Variants in PARVB observed in about 807,000 individuals in gnomAD.
PARVB encodes the protein parvin beta.
Under a neutral mutation model 47.0 loss-of-function variants are expected in PARVB, and 46 were observed. The ratio of observed to expected loss-of-function variants is 0.98; its 90% CI spans 0.77 to 1.25. The LOEUF is 1.25. Ranked by LOEUF, PARVB falls within the 50% of genes most tolerant of loss-of-function variation. The probability of loss-of-function intolerance (pLI) is 0.00; values close to 1 mark genes in which losing one functional copy is unlikely to be tolerated. For synonymous variants in PARVB, 196 were observed against 196.3 expected (o/e 1.00, Z 0.01); for missense variants, 473 against 471.6 (o/e 1.00, Z -0.03).
At chr22:44,080,409 C>G (rs528064351) in intron 1 of PARVB, among the ~76,000 whole-genome samples, 98 of 152,318 alleles carry the variant, frequency 6.4e-4, no homozygotes, top group Non-Finnish European at 1.3e-3. Context: ...GCAGAGGCAC[C>G]TGCGTTCCTT....
At position 44,100,253 on chromosome 22, in the gene PARVB, G is replaced by A. The variant is rs2052411267; in HGVS notation, c.273+130G>A. The A allele has an allele frequency of 1.4e-5, 10 of 735,786 alleles. No individual in the cohort carries two copies. In the South Asian group the frequency reaches 1.4e-4, roughly 11 times the overall value. 45.6% of individuals were successfully genotyped at this position (735,786 alleles called of 1,614,324 possible). On this transcript the variant is annotated intron_variant, in intron 3 of 12. Transcript: ENST00000338758. ...AGGGATGTTGGTGCTGCATGAGAAG[G>A]TGGGCAGACATGTTGGCAGAGGAGG...
At chr22:44,120,193 C>T (rs1353511863) in intron 4 of PARVB, among the ~76,000 whole-genome samples, 15 of 152,156 alleles carry the variant, frequency 9.9e-5, no homozygotes, top group South Asian at 2.1e-4. Flanking sequence ...CTGGGTCAGG[C>T]GCTCCTGCAT....
intron 2 of PARVB, among the ~76,000 whole-genome samples, chr22:44,099,446 C>T (rs930794696): frequency 1.3e-5 from 2 of 152,104 alleles, no homozygotes; most frequent in Admixed American, 6.6e-5. Flanking sequence ...CAGGCTGAAA[C>T]GTGGAGGGAA....
chr22:44,099,925 A>G lies in PARVB; in HGVS notation c.203-128A>G, dbSNP rs765107891. On this transcript the variant is annotated intron_variant, in intron 2 of 12. Coordinates refer to ENST00000338758, the MANE Select transcript of PARVB (RefSeq NM_013327.5). ...CACCTTCCAGAAGGCGGTTCCTTGC[A>G]GTCACCCTCCCCTAGTGCTGGGTTC... The G allele has an allele frequency of 9.5e-6, 7 of 735,968 alleles. 1 individual carries two copies. The Admixed American group carries it at 1.5e-4, about 16-fold the overall frequency. The allele number at this position is 735,968 out of a possible 1,614,324, so 45.6% of individuals were successfully genotyped here.
rs79620606 is a variant in PARVB, at chr22:44,127,515, CT to C, written c.377-3971del. Among the ~76,000 whole-genome samples, 794 of 152,284 alleles carry C rather than the reference CT, an allele frequency of 5.2e-3. 9 individuals carry two copies. The highest frequency in any genetic ancestry group is 0.018 in the East Asian group (93 of 5,184). ...GCCCAAACCAAATAGGAGATTTTAG[CT>C]GAATACCAAGGTCAAAGCCAACTTC... On this transcript the variant is annotated intron_variant, in intron 4 of 12. Coordinates refer to ENST00000338758, the MANE Select transcript of PARVB (RefSeq NM_013327.5).
At chr22:44,019,704 C>T (rs2146866993), upstream of PARVB, among the ~76,000 whole-genome samples, 1 of 152,216 alleles carries the variant, frequency 6.6e-6, no homozygotes, top group East Asian at 1.9e-4. Context: ...CGGGGGACGG[C>T]CAGCTCTCAA....
At chr22:44,075,228 G>A (rs751091709) in intron 1 of PARVB, among the ~76,000 whole-genome samples, 8 of 152,170 alleles carry the variant, frequency 5.3e-5, no homozygotes, top group Admixed American at 1.3e-4. Context: ...ACACAAACAC[G>A]CACGCACATG....
chr22:44,004,064 G>C (rs2146843573), intron 2 of PARVB, among the ~76,000 whole-genome samples: 1 of 152,306 alleles, frequency 6.6e-6, no homozygotes, highest in Non-Finnish European at 1.5e-5. Context: ...GGATGGAGAG[G>C]GGTGTATCCA....
chr22:44,003,817 C>T (rs1026651483), intron 2 of PARVB, among the ~76,000 whole-genome samples: 1 of 152,174 alleles, frequency 6.6e-6, no homozygotes, highest in African/African-American at 2.4e-5. Flanking sequence ...TGGCAACTGC[C>T]GTCAGGTTTA....
At chr22:44,078,289 A>G (rs541723393) in intron 1 of PARVB, among the ~76,000 whole-genome samples, 2 of 152,218 alleles carry the variant, frequency 1.3e-5, no homozygotes, top group Non-Finnish European at 2.9e-5. Context: ...GGAGATGTGA[A>G]CTTTCCCAAG....
At chr22:44,104,973 G>A (rs1188080796) in intron 3 of PARVB, 1 of 152,300 alleles carries the variant, frequency 6.6e-6, no homozygotes, top group Admixed American at 6.5e-5. Context: ...GGGAAGAGTT[G>A]CCCAGGGCAG....
chr22:44,133,155 C>A, intron 6 of PARVB, 146 bp downstream of exon 6: 2 of 555,952 alleles, frequency 3.6e-6, no homozygotes, highest in East Asian at 3.2e-5. Context: ...TGTGTCTCAC[C>A]CTGGCTCCGA....
In PARVB at chr22:44,127,072, A is replaced by T. The variant is rs538858277; in HGVS notation, c.377-4415A>T. 9.2e-5 allele frequency among the ~76,000 whole-genome samples: 14 copies of T among 152,322 alleles called. No individual in the cohort carries two copies. In the South Asian group the frequency reaches 2.9e-3, roughly 32 times the overall value. On this transcript the variant is annotated intron_variant, in intron 4 of 12. Coordinates refer to ENST00000338758, the MANE Select transcript of PARVB (RefSeq NM_013327.5). ...TACTCCGGAGTTGCTGTGATTGTCCATGAGTCCTGCTATATCAGTTGTGTT... is the reference window on the plus strand; with the variant it reads ...TACTCCGGAGTTGCTGTGATTGTCCTTGAGTCCTGCTATATCAGTTGTGTT...
chr22:44,055,233 C>G (rs2051284697), intron 1 of PARVB, among the ~76,000 whole-genome samples: 1 of 152,152 alleles, frequency 6.6e-6, no homozygotes, highest in Admixed American at 6.5e-5. Context: ...CTGTGCGCCT[C>G]CCTCCCCACC....
chr22:44,041,395 G>A (rs554909944), intron 1 of PARVB, among the ~76,000 whole-genome samples: 1 of 152,272 alleles, frequency 6.6e-6, no homozygotes, highest in East Asian at 1.9e-4. Context: ...GGGAGGCTGA[G>A]GCAGGAGAAT....
At chr22:44,106,876 C>G (rs1004404787) in intron 3 of PARVB, 1 of 151,940 alleles carries the variant, frequency 6.6e-6, no homozygotes, top group East Asian at 1.9e-4. Flanking sequence ...CAAAACTTGT[C>G]TCTGAGCATT....
intron 3 of PARVB, among the ~76,000 whole-genome samples, chr22:44,101,633 C>A (rs1043787833): frequency 2.6e-5 from 4 of 151,352 alleles, no homozygotes; most frequent in Non-Finnish European, 4.4e-5. Context: ...TGCCTATAAT[C>A]CTACCTACTC....
chr22:44,052,638 T>C (rs1442427130), intron 1 of PARVB, among the ~76,000 whole-genome samples: 1 of 152,104 alleles, frequency 6.6e-6, no homozygotes, highest in Non-Finnish European at 1.5e-5. Flanking sequence ...TGCGTCCCCC[T>C]GAAGCTACAA....
At chr22:44,130,295 A>G (rs1395750676) in intron 4 of PARVB, among the ~76,000 whole-genome samples, 1 of 152,204 alleles carries the variant, frequency 6.6e-6, no homozygotes, top group Non-Finnish European at 1.5e-5. Flanking sequence ...GAGTGGATCT[A>G]TCAGTAAACA....
Sources: allele counts gnomAD v4.1 joint callset (sites outside exome capture counted in the v4.1 genomes callset), GRCh38; gene constraint gnomAD v4.1.1; transcripts MANE v1.5; gene names NCBI Gene and HGNC (gene_info 2026-07-23, HGNC 2026-07-21).